The following AP4E1 variants were observed in gnomAD, a reference collection of about 807,000 sequenced individuals.
AP4E1 encodes adaptor related protein complex 4 subunit epsilon 1.
In AP4E1, 56 loss-of-function variants were observed where a neutral mutation model predicts 128.2. The ratio of observed to expected loss-of-function variants is 0.44; its 90% CI spans 0.35 to 0.55. The LOEUF (loss-of-function observed/expected upper bound fraction) is 0.55, where lower values mean the gene tolerates loss of function less well. Among genes scored for constraint, AP4E1 ranks in the 20% least tolerant of loss-of-function variants. AP4E1 has a pLI of 0.00. For missense variants in AP4E1, 1,324 were observed against 1,307.7 expected, an observed-to-expected ratio of 1.01 and a Z score of -0.19; for synonymous variants, 484 against 473.1, an observed-to-expected ratio of 1.02 and a Z score of -0.30.
At chr15:50,929,349 T>C (rs1005130395) in intron 6 of AP4E1, among the ~76,000 whole-genome samples, 181 bp downstream of exon 6, 14 of 152,064 alleles carry the variant, frequency 9.2e-5, no homozygotes, top group African/African-American at 3.4e-4. Flanking sequence ...CATTACAGAA[T>C]TAGTTTTTTT....
rs755272914 is a variant in AP4E1, at chr15:50,915,442, T to C, written c.223-6T>C. The C allele has an allele frequency of 1.2e-6, 2 of 1,612,296 alleles. No homozygotes were observed. The highest frequency in any genetic ancestry group is 1.7e-6 in the Non-Finnish European group (2 of 1,178,688). Reference sequence around the variant, plus strand: ...TTATACAGCTACTGGATATTTTGCTTTTCAGAAAATGATGAAGGAATGTAT... The same window carrying C: ...TTATACAGCTACTGGATATTTTGCTCTTCAGAAAATGATGAAGGAATGTAT... On this transcript the variant is annotated splice_region_variant and splice_polypyrimidine_tract_variant and intron_variant, in intron 2 of 20. Coordinates refer to ENST00000261842, the MANE Select transcript of AP4E1 (RefSeq NM_007347.5).
chr15:50,997,293 T>G, intron 17 of AP4E1, 33 bp from the exon 18 acceptor site: 1 of 1,531,692 alleles, frequency 6.5e-7, no homozygotes, highest in South Asian at 1.3e-5. Flanking sequence ...GTAGAATGAT[T>G]TCTTTTTATA....
chr15:50,947,266 A>G (rs1281005334), intron 10 of AP4E1, among the ~76,000 whole-genome samples: 2 of 152,096 alleles, frequency 1.3e-5, no homozygotes, highest in East Asian at 3.9e-4. Context: ...ATACCAAAAA[A>G]TTAGCTGGGC....
At chr15:50,907,712 T>G (rs1475864972), upstream of AP4E1, among the ~76,000 whole-genome samples, 5 of 152,114 alleles carry the variant, frequency 3.3e-5, no homozygotes, top group Non-Finnish European at 7.4e-5. Context: ...TCTGTACATT[T>G]CCAACAGAAT....
intron 20 of AP4E1, among the ~76,000 whole-genome samples, chr15:51,001,791 A>G (rs964553898): frequency 2.0e-5 from 3 of 152,216 alleles, no homozygotes; most frequent in African/African-American, 7.2e-5. Context: ...GAACAAGGTT[A>G]TACAAATACC....
intron 14 of AP4E1, among the ~76,000 whole-genome samples, chr15:50,959,055 T>TGCAAAATTAGCTGG (rs1403904717): frequency 2.0e-5 from 3 of 151,888 alleles, no homozygotes; most frequent in Admixed American, 6.6e-5. Context: ...CTACTAAAAG[T>TGCAAAATTAGCTGG]GCAAAATTAG....
At chr15:50,910,295 C>G (rs1264001155) in intron 1 of AP4E1, among the ~76,000 whole-genome samples, 1 of 151,830 alleles carries the variant, frequency 6.6e-6, no homozygotes, top group African/African-American at 2.4e-5. Flanking sequence ...CACAGGCGCT[C>G]GATGGTTGCA....
At chr15:50,963,453 AT>A (rs1700651350) in intron 14 of AP4E1, among the ~76,000 whole-genome samples, 1 of 152,182 alleles carries the variant, frequency 6.6e-6, no homozygotes, top group African/African-American at 2.4e-5. Flanking sequence ...TTATTTCACT[AT>A]GAAGTAAAAT....
intron 18 of AP4E1, among the ~76,000 whole-genome samples, chr15:50,998,584 T>G (rs2064913352): frequency 6.6e-6 from 1 of 151,784 alleles, no homozygotes; most frequent in African/African-American, 2.4e-5. Context: ...GAGCCAAGAT[T>G]GCACCATTGC....
chr15:50,996,061 T>C (rs2064867590), intron 17 of AP4E1, among the ~76,000 whole-genome samples: 1 of 147,662 alleles, frequency 6.8e-6, no homozygotes, highest in Admixed American at 6.8e-5. Flanking sequence ...CGATCTCAGC[T>C]TACTGCAACC....
At chr15:50,918,591 C>T (rs2063656632) in intron 3 of AP4E1, among the ~76,000 whole-genome samples, 1 of 152,044 alleles carries the variant, frequency 6.6e-6, no homozygotes, top group South Asian at 2.1e-4. Context: ...GGCTCACTTT[C>T]ATCTCTAGCC....
intron 5 of AP4E1, among the ~76,000 whole-genome samples, chr15:50,926,869 C>T (rs892520735): frequency 9.9e-5 from 15 of 152,044 alleles, no homozygotes; most frequent in Non-Finnish European, 2.1e-4. Flanking sequence ...GGCTTACAGG[C>T]GTGAGCCACC....
chr15:50,942,142 C>T (rs2063997004), intron 10 of AP4E1, among the ~76,000 whole-genome samples: 1 of 152,154 alleles, frequency 6.6e-6, no homozygotes, highest in Non-Finnish European at 1.5e-5. Context: ...ATCCTGAAAT[C>T]CTGACCTCAA....
Position 50,997,341 on chromosome 15 carries a change from A to G in AP4E1, c.2362A>G (p.Thr788Ala). ...STINLLGKAD[T>A]VSHKFRRKSK... is the part of the protein sequence containing the mutation. ...ATTTTTGCAGCTGGGAAAAGCAGAT[A>G]CTGTCTCTCACAAGTTCAGAAGGAA... The change falls in exon 18 of 21, where the codon ACT becomes GCT. Residue 788 changes from threonine (T) to alanine (A), a missense_variant. Transcript: ENST00000261842. 1 of 1,598,372 alleles carries G rather than the reference A, an allele frequency of 6.3e-7. No homozygotes were observed. The highest frequency in any genetic ancestry group is 8.5e-7 in the Non-Finnish European group (1 of 1,176,068).
intron 13 of AP4E1, among the ~76,000 whole-genome samples, chr15:50,953,054 C>G (rs908789983): frequency 6.6e-6 from 1 of 151,772 alleles, no homozygotes; most frequent in Non-Finnish European, 1.5e-5. Context: ...TAGTCTCTAC[C>G]AAAGGGAGAA....
Position 50,925,149 on chromosome 15 carries a change from A to G in AP4E1, c.472A>G (p.Ser158Gly). ...VEVCMALTVV[S>G]QIFPCEMIPA... ...AGTGTGTATGGCACTGACTGTTGTTAGCCAGATTTTCCCCTGCGAAATGAT... is the reference window on the plus strand; with the variant it reads ...AGTGTGTATGGCACTGACTGTTGTTGGCCAGATTTTCCCCTGCGAAATGAT... Residue 158 changes from serine (S) to glycine (G), a missense_variant, in exon 5 of 21, where the codon AGC becomes GGC. Physicochemically the swap from Ser to Gly is moderately conservative, Grantham distance 56. Transcript: ENST00000261842. 1 of 1,614,022 alleles carries G rather than the reference A, an allele frequency of 6.2e-7. No homozygotes were observed. The highest frequency in any genetic ancestry group is 2.2e-5 in the East Asian group (1 of 44,864).
chr15:50,980,862 GT>G (rs1352673489), intron 15 of AP4E1, among the ~76,000 whole-genome samples: 1 of 152,170 alleles, frequency 6.6e-6, no homozygotes, highest in Non-Finnish European at 1.5e-5. Context: ...GGCATATGTG[GT>G]GCTAATTCTG....
intron 3 of AP4E1, among the ~76,000 whole-genome samples, chr15:50,920,358 C>T (rs973886285): frequency 2.0e-5 from 3 of 151,354 alleles, no homozygotes; most frequent in African/African-American, 7.3e-5. Flanking sequence ...CGTGATCCGC[C>T]CGCCTCAGCC....
chr15:50,985,392 C>T (rs530975638), intron 16 of AP4E1, among the ~76,000 whole-genome samples: 20 of 152,200 alleles, frequency 1.3e-4, no homozygotes, highest in African/African-American at 2.6e-4. Flanking sequence ...CCCATGCCTA[C>T]GTCCTGAATG....
Sources: gnomAD v4.1 joint callset for allele counts (sites outside exome capture counted in the v4.1 genomes callset) on GRCh38, gnomAD v4.1.1 for gene constraint, MANE v1.5 for transcripts, NCBI Gene and HGNC (gene_info 2026-07-23, HGNC 2026-07-21) for gene names.